The following YAP1 variants were observed in gnomAD, a reference collection of about 807,000 sequenced individuals.
The protein encoded by YAP1 is transcriptional coactivator YAP1.
A neutral mutation model predicts 56.9 loss-of-function variants in YAP1; 5 were observed. That is an observed-to-expected ratio of 0.09 (90% CI 0.05 to 0.18). The LOEUF (loss-of-function observed/expected upper bound fraction) is 0.18. Ranked by LOEUF, YAP1 falls within the 10% of genes least tolerant of loss-of-function variation. The pLI, the probability that YAP1 is intolerant of heterozygous loss-of-function variation, is 1.00. For synonymous variants in YAP1, 265 were observed against 248.1 expected, an observed-to-expected ratio of 1.07 and a Z score of -0.64; for missense variants, 539 against 651.8, an observed-to-expected ratio of 0.83 and a Z score of 1.88.
At chr11:102,172,216 T>G (rs1946945557) in intron 3 of YAP1, among the ~76,000 whole-genome samples, 1 of 149,600 alleles carries the variant, frequency 6.7e-6, no homozygotes. Context: ...AAGAAAAAGT[T>G]GTGGCAGATG....
intron 4 of YAP1, among the ~76,000 whole-genome samples, chr11:102,187,116 C>T (rs1347931087): frequency 6.6e-6 from 1 of 152,026 alleles, no homozygotes; most frequent in Admixed American, 6.6e-5. Context: ...AAACACAACC[C>T]TGCGGGGGGA....
chr11:102,220,700 CTA>C (rs531592595), intron 6 of YAP1, among the ~76,000 whole-genome samples: 50 of 152,126 alleles, frequency 3.3e-4, no homozygotes, highest in Non-Finnish European at 6.8e-4. Flanking sequence ...GGACATGAGT[CTA>C]TGCAGGAACT....
intron 6 of YAP1, among the ~76,000 whole-genome samples, chr11:102,223,278 A>T (rs751239092): frequency 2.7e-5 from 4 of 150,406 alleles, no homozygotes; most frequent in African/African-American, 7.3e-5. Flanking sequence ...AAAAAGAAGA[A>T]TTTTTTTTTA....
At chr11:102,171,726 G>A (rs941292842) in intron 3 of YAP1, among the ~76,000 whole-genome samples, 1 of 152,110 alleles carries the variant, frequency 6.6e-6, no homozygotes, top group Non-Finnish European at 1.5e-5. Context: ...GCTATAACCT[G>A]ACAAACAGGA....
At chr11:102,184,815 A>G (rs556476879) in intron 3 of YAP1, among the ~76,000 whole-genome samples, 7 of 152,312 alleles carry the variant, frequency 4.6e-5, no homozygotes, top group South Asian at 2.1e-4. Flanking sequence ...AAAGAAGTAT[A>G]GTTGTGAAGA....
intron 7 of YAP1, 121 bp downstream of exon 7, chr11:102,223,873 T>C (rs1316921261): frequency 7.8e-7 from 1 of 1,278,664 alleles, no homozygotes; most frequent in Non-Finnish European, 1.1e-6. Flanking sequence ...TAGCTGTAAA[T>C]GAATCTCTCT....
At chr11:102,207,324 A>G (rs1170593835) in intron 5 of YAP1, among the ~76,000 whole-genome samples, 1 of 152,058 alleles carries the variant, frequency 6.6e-6, no homozygotes, top group Non-Finnish European at 1.5e-5. Context: ...CTCTGTTTAC[A>G]TACATAAAAT....
At chr11:102,200,475 G>A (rs1336733638) in intron 4 of YAP1, among the ~76,000 whole-genome samples, 3 of 140,480 alleles carry the variant, frequency 2.1e-5, no homozygotes, top group African/African-American at 8.0e-5. Flanking sequence ...CAAGAGTCTT[G>A]CACTTTTTGC....
chr11:102,146,660 C>T (rs567565806), intron 2 of YAP1, among the ~76,000 whole-genome samples: 1 of 152,258 alleles, frequency 6.6e-6, no homozygotes, highest in African/African-American at 2.4e-5. Context: ...AGCATTTCCT[C>T]AACTCTAATA....
At chr11:102,113,140 C>T (rs1398747358) in intron 1 of YAP1, among the ~76,000 whole-genome samples, 1 of 152,136 alleles carries the variant, frequency 6.6e-6, no homozygotes, top group Admixed American at 6.6e-5. Flanking sequence ...CTGAGTCCTT[C>T]CAGTTTCCTT....
chr11:102,172,075 C>T (rs929556877), intron 3 of YAP1, among the ~76,000 whole-genome samples: 1 of 151,750 alleles, frequency 6.6e-6, no homozygotes, highest in Non-Finnish European at 1.5e-5. Context: ...TGCCTGTAAT[C>T]CCAGCTGCTT....
intron 2 of YAP1, among the ~76,000 whole-genome samples, chr11:102,160,873 CTG>C (rs1036573864): frequency 1.3e-5 from 2 of 152,116 alleles, no homozygotes; most frequent in African/African-American, 4.8e-5. Flanking sequence ...TTCAGCTACT[CTG>C]TGTTCACATT....
At chr11:102,219,758 GTTTTGTT>G (rs781500888) in intron 6 of YAP1, among the ~76,000 whole-genome samples, 138 of 151,820 alleles carry the variant, frequency 9.1e-4, no homozygotes, top group Non-Finnish European at 1.7e-3. Flanking sequence ...TTTTTTGTTT[GTTTTGTT>G]TTTTGTTTTT....
At chr11:102,148,733 A>T (rs1945464197) in intron 2 of YAP1, among the ~76,000 whole-genome samples, 1 of 152,170 alleles carries the variant, frequency 6.6e-6, no homozygotes, top group African/African-American at 2.4e-5. Context: ...CTTGGTCATT[A>T]TATCAATCTA....
intron 3 of YAP1, among the ~76,000 whole-genome samples, chr11:102,182,188 C>G (rs1329740068): frequency 6.6e-6 from 1 of 152,142 alleles, no homozygotes; most frequent in East Asian, 1.9e-4. Flanking sequence ...TTCAGGCCTG[C>G]TGAATCAAAA....
chr11:102,148,398 ATGT>A (rs10542391), intron 2 of YAP1, among the ~76,000 whole-genome samples: 87,418 of 151,576 alleles, frequency 0.58, 26,102 homozygotes, highest in South Asian at 0.74. Flanking sequence ...TATCTGAGAA[ATGT>A]TGTGTGATAG....
At chr11:102,199,647 A>T (rs946537874) in intron 4 of YAP1, among the ~76,000 whole-genome samples, 2 of 152,216 alleles carry the variant, frequency 1.3e-5, no homozygotes, top group Non-Finnish European at 2.9e-5. Context: ...CAAGATAACC[A>T]AAAAGACACA....
intron 6 of YAP1, among the ~76,000 whole-genome samples, chr11:102,223,103 C>T (rs925534049): frequency 6.6e-6 from 1 of 151,648 alleles, no homozygotes; most frequent in Middle Eastern, 3.2e-3. Context: ...AAAAAATTAG[C>T]TGGGCGTGGT....
chr11:102,211,773 A>G (rs1336795704), intron 6 of YAP1, among the ~76,000 whole-genome samples: 6 of 151,562 alleles, frequency 4.0e-5, no homozygotes, highest in Non-Finnish European at 8.8e-5. Context: ...GCGCAATCTC[A>G]GCTCACTGCA....
Sources: allele counts gnomAD v4.1 joint callset (sites outside exome capture counted in the v4.1 genomes callset), GRCh38; gene constraint gnomAD v4.1.1; transcripts MANE v1.5; gene names NCBI Gene and HGNC (gene_info 2026-07-23, HGNC 2026-07-21).